The following DLGAP1 variants were observed in gnomAD, a reference collection of about 807,000 sequenced individuals.
DLGAP1 encodes disks large-associated protein 1.
Under a neutral mutation model 90.8 loss-of-function variants are expected in DLGAP1, and 11 were observed. The ratio of observed to expected loss-of-function variants is 0.12; its 90% CI spans 0.08 to 0.20. The LOEUF is 0.20. DLGAP1 is among the 10% of genes least tolerant of loss of function. The pLI is 1.00. For synonymous variants in DLGAP1, 558 were observed against 540.7 expected, an observed-to-expected ratio of 1.03 and a Z score of -0.44; for missense variants, 1,050 against 1,333.8, an observed-to-expected ratio of 0.79 and a Z score of 3.31.
chr18:4,449,858 A>G (rs2083774438), intron 1 of DLGAP1, among the ~76,000 whole-genome samples: 1 of 152,150 alleles, frequency 6.6e-6, no homozygotes, highest in Non-Finnish European at 1.5e-5. Flanking sequence ...AGGGGGAAAG[A>G]TTTCTTAGCC....
intron 3 of DLGAP1, among the ~76,000 whole-genome samples, chr18:3,890,134 C>G (rs1168293480): frequency 6.6e-6 from 1 of 152,232 alleles, no homozygotes; most frequent in Non-Finnish European, 1.5e-5. Flanking sequence ...CCACTGTGGT[C>G]TACATCCAAG....
At chr18:4,398,542 A>G (rs1027403782) in intron 1 of DLGAP1, among the ~76,000 whole-genome samples, 1 of 152,242 alleles carries the variant, frequency 6.6e-6, no homozygotes, top group Non-Finnish European at 1.5e-5. Context: ...TATTAACTTA[A>G]TAGCTATTAC....
chr18:3,678,981 T>G (rs1246419398), intron 7 of DLGAP1, among the ~76,000 whole-genome samples: 1 of 152,198 alleles, frequency 6.6e-6, no homozygotes, highest in Non-Finnish European at 1.5e-5. Flanking sequence ...CTTCTTCTTC[T>G]TCTTTTTAAA....
At chr18:4,442,619 G>C (rs1441285898) in intron 1 of DLGAP1, among the ~76,000 whole-genome samples, 1 of 152,052 alleles carries the variant, frequency 6.6e-6, no homozygotes, top group Non-Finnish European at 1.5e-5. Context: ...ATGAGAAAGT[G>C]GTAAAAGTAG....
intron 7 of DLGAP1, among the ~76,000 whole-genome samples, chr18:3,649,424 GCT>G (rs1218446468): frequency 6.6e-6 from 1 of 152,214 alleles, no homozygotes; most frequent in Admixed American, 6.5e-5. Flanking sequence ...TTATAAACTG[GCT>G]CTGTTTGTGG....
At chr18:3,612,507 A>G (rs549869404) in intron 7 of DLGAP1, among the ~76,000 whole-genome samples, 72 of 152,182 alleles carry the variant, frequency 4.7e-4, no homozygotes, top group Non-Finnish European at 8.8e-4. Flanking sequence ...TTCTACACCA[A>G]CGTGGTCAGA....
At chr18:4,302,850 A>G (rs2080160426) in intron 1 of DLGAP1, among the ~76,000 whole-genome samples, 2 of 152,240 alleles carry the variant, frequency 1.3e-5, no homozygotes, top group Non-Finnish European at 2.9e-5. Context: ...ATACATGAAC[A>G]CAGTCTATCT....
At chr18:4,362,829 C>T (rs2081658790) in intron 1 of DLGAP1, among the ~76,000 whole-genome samples, 1 of 151,956 alleles carries the variant, frequency 6.6e-6, no homozygotes. Flanking sequence ...CAAAGACATA[C>T]AAGCAACTGA....
chr18:4,451,607 G>A (rs1024291872), intron 1 of DLGAP1, among the ~76,000 whole-genome samples: 2 of 152,030 alleles, frequency 1.3e-5, no homozygotes, highest in South Asian at 2.1e-4. Context: ...CACCTTCATC[G>A]GGCAGTAACA....
At chr18:4,188,244 C>T (rs901359881) in intron 1 of DLGAP1, among the ~76,000 whole-genome samples, 3 of 151,968 alleles carry the variant, frequency 2.0e-5, no homozygotes, top group African/African-American at 7.3e-5. Context: ...ATAATTCAGT[C>T]GTTCTAGAAT....
chr18:3,881,231 T>G (rs1212562741), intron 3 of DLGAP1, among the ~76,000 whole-genome samples: 1 of 152,028 alleles, frequency 6.6e-6, no homozygotes, highest in Non-Finnish European at 1.5e-5. Context: ...TTCAAGTGAT[T>G]CCCCTGCCCC....
At chr18:4,262,692 A>G (rs113756217) in intron 1 of DLGAP1, among the ~76,000 whole-genome samples, 1,886 of 152,132 alleles carry the variant, frequency 0.012, 40 homozygotes, top group African/African-American at 0.042. Flanking sequence ...CAGTGGGCAC[A>G]CTCTCTGTAC....
intron 1 of DLGAP1, among the ~76,000 whole-genome samples, chr18:4,157,822 G>A (rs780553643): frequency 3.3e-5 from 5 of 152,188 alleles, no homozygotes; most frequent in Non-Finnish European, 7.3e-5. Flanking sequence ...CTGTGAGTAA[G>A]TGGGGAAGCT....
chr18:3,934,433 G>A (rs2072589135), intron 3 of DLGAP1, among the ~76,000 whole-genome samples: 1 of 152,148 alleles, frequency 6.6e-6, no homozygotes, highest in Admixed American at 6.5e-5. Flanking sequence ...AGGGGCATCT[G>A]CTATATGTTG....
In DLGAP1 at chr18:4,409,913, C is replaced by T. The variant is rs923396233; in HGVS notation, c.-267+45093G>A. ...AAAATTGTGGAACCAAACCAATGAC[C>T]GTCAGTCAACGAGTGGATAAAAAAA... On this transcript the variant is annotated intron_variant, in intron 1 of 12. Coordinates refer to ENST00000315677, the MANE Select transcript of DLGAP1 (RefSeq NM_004746.4). Among the ~76,000 whole-genome samples the T allele has an allele frequency of 3.9e-5, 6 of 151,962 alleles. No individual in the cohort carries two copies. The South Asian group carries it at 6.2e-4, about 16-fold the overall frequency.
chr18:3,863,045 C>T (rs1428701174), intron 4 of DLGAP1, among the ~76,000 whole-genome samples: 1 of 152,192 alleles, frequency 6.6e-6, no homozygotes, highest in East Asian at 1.9e-4. Flanking sequence ...CAATGCTGTC[C>T]AATACAACTT....
chr18:3,757,504 T>C (rs2063765481), intron 5 of DLGAP1, among the ~76,000 whole-genome samples: 1 of 151,950 alleles, frequency 6.6e-6, no homozygotes, highest in Non-Finnish European at 1.5e-5. Flanking sequence ...AACAAAACAA[T>C]AGTAAACGGA....
At chr18:4,167,025 C>G (rs547011752) in intron 1 of DLGAP1, among the ~76,000 whole-genome samples, 2 of 152,018 alleles carry the variant, frequency 1.3e-5, no homozygotes, top group African/African-American at 4.8e-5. Flanking sequence ...AATGATAAAC[C>G]TTACATTATG....
chr18:4,108,878 T>A (rs1275639016), intron 2 of DLGAP1, among the ~76,000 whole-genome samples: 2 of 152,186 alleles, frequency 1.3e-5, no homozygotes, highest in Non-Finnish European at 2.9e-5. Flanking sequence ...TATTTCTACC[T>A]CCAAATAATG....
Sources: allele counts gnomAD v4.1 joint callset (sites outside exome capture counted in the v4.1 genomes callset), GRCh38; gene constraint gnomAD v4.1.1; transcripts MANE v1.5; gene names NCBI Gene and HGNC (gene_info 2026-07-23, HGNC 2026-07-21).